Variants in FMR1NB observed in about 807,000 individuals in gnomAD.
FMR1NB encodes the protein FMR1 neighbor.
In FMR1NB, 10 loss-of-function variants were observed where a neutral mutation model predicts 16.8. That is an observed-to-expected ratio of 0.60 (90% CI 0.37 to 1.01). The LOEUF (loss-of-function observed/expected upper bound fraction) is 1.01. Among genes scored for constraint, FMR1NB ranks in the 50% least tolerant of loss-of-function variants. The pLI is 0.01. For synonymous variants in FMR1NB, 83 were observed against 79.1 expected (o/e 1.05, Z -0.26); for missense variants, 205 against 204.8 (o/e 1.00, Z 0.00).
At chrX:147,997,583 G>A (rs1212734259) in intron 1 of FMR1NB, among the ~76,000 whole-genome samples, 7 of 111,928 alleles carry the variant, frequency 6.3e-5, no homozygotes, top group African/African-American at 2.3e-4. Context: ...AAAAGCAATG[G>A]CAACAAAAGC....
intron 1 of FMR1NB, among the ~76,000 whole-genome samples, chrX:147,993,144 C>G (rs893793003): frequency 4.5e-5 from 5 of 112,010 alleles, no homozygotes; most frequent in African/African-American, 9.8e-5. Flanking sequence ...ACTGAGTGAA[C>G]GAGACTCCGT....
chrX:147,992,228 G>A lies in FMR1NB; in HGVS notation c.277+10549G>A, dbSNP rs1361257899. 2.0e-4 allele frequency among the ~76,000 whole-genome samples: 21 copies of A among 103,387 alleles called. No homozygotes were observed. In the East Asian group the frequency reaches 4.3e-3, roughly 21 times the overall value. The allele number at this position is 103,387 out of a possible 115,157, so 89.8% of individuals were successfully genotyped here. ...CAGAGGGGCTCCTCACTTCCCAGTA[G>A]GGGTGGCTGGGCAGAGGCGCCCCTC... On this transcript the variant is annotated intron_variant, in intron 1 of 5. Coordinates refer to ENST00000370467, the MANE Select transcript of FMR1NB (RefSeq NM_152578.3).
At chrX:148,017,078 G>T (rs782488209) in intron 4 of FMR1NB, among the ~76,000 whole-genome samples, 3 of 110,741 alleles carry the variant, frequency 2.7e-5, no homozygotes, top group African/African-American at 9.8e-5. Context: ...TTGTTTGTCT[G>T]GGAAAGTCTT....
chrX:147,989,569 T>A (rs1380355198), intron 1 of FMR1NB, among the ~76,000 whole-genome samples: 1 of 112,069 alleles, frequency 8.9e-6, no homozygotes, highest in Non-Finnish European at 1.9e-5. Flanking sequence ...CACTGCTCTC[T>A]TCAGAAGTGG....
intron 4 of FMR1NB, among the ~76,000 whole-genome samples, chrX:148,011,218 C>T (rs782138877): frequency 2.1e-3 from 232 of 110,007 alleles, no homozygotes; most frequent in Non-Finnish European, 3.3e-3. Context: ...GAGCCGAGAT[C>T]GCGTCACTGC....
At chrX:148,000,953 ATAT>A (rs1344633746) in intron 1 of FMR1NB, among the ~76,000 whole-genome samples, 1 of 112,095 alleles carries the variant, frequency 8.9e-6, no homozygotes, top group Non-Finnish European at 1.9e-5. Context: ...TTTAGTGATA[ATAT>A]TATTGTCTAT....
intron 1 of FMR1NB, among the ~76,000 whole-genome samples, chrX:147,990,026 G>T (rs1193160464): frequency 2.1e-5 from 2 of 93,041 alleles, no homozygotes; most frequent in Non-Finnish European, 4.2e-5. Flanking sequence ...GGTTCCAGGT[G>T]CCACTGGGCT....
chrX:147,987,154 T>C (rs1324505185), intron 1 of FMR1NB, among the ~76,000 whole-genome samples: 1 of 111,916 alleles, frequency 8.9e-6, no homozygotes, highest in Non-Finnish European at 1.9e-5. Flanking sequence ...ATGCTTGTTA[T>C]TTTTGCACAT....
At chrX:147,999,566 C>T (rs989158014) in intron 1 of FMR1NB, among the ~76,000 whole-genome samples, 1 of 110,381 alleles carries the variant, frequency 9.1e-6, no homozygotes, top group Non-Finnish European at 1.9e-5. Context: ...ATCATCTCCT[C>T]AGAGAGACTG....
chrX:147,982,631 T>C (rs781956685), intron 1 of FMR1NB, among the ~76,000 whole-genome samples: 1 of 92,739 alleles, frequency 1.1e-5, no homozygotes, highest in Non-Finnish European at 2.1e-5. Context: ...CGGTGGGTCA[T>C]GCCTGTAATC....
intron 1 of FMR1NB, among the ~76,000 whole-genome samples, chrX:147,987,086 G>T (rs1238609538): frequency 9.0e-6 from 1 of 111,009 alleles, no homozygotes; most frequent in African/African-American, 3.3e-5. Flanking sequence ...TGTAGCAATT[G>T]TGAATGGGAG....
intron 4 of FMR1NB, among the ~76,000 whole-genome samples, chrX:148,011,440 C>T (rs1329430718): frequency 2.7e-5 from 3 of 111,136 alleles, no homozygotes; most frequent in African/African-American, 6.6e-5. Flanking sequence ...TTGCCTGTGC[C>T]GGGTATAACG....
At chrX:147,999,165 T>C (rs373739426) in intron 1 of FMR1NB, among the ~76,000 whole-genome samples, 32 of 111,461 alleles carry the variant, frequency 2.9e-4, no homozygotes, top group East Asian at 1.7e-3. Flanking sequence ...CACTCTGAGT[T>C]GGGGACTCTA....
At chrX:148,003,069 T>C (rs947896319) in intron 1 of FMR1NB, 132 bp from the exon 2 acceptor site, 26 of 668,467 alleles carry the variant, frequency 3.9e-5, no homozygotes, top group Non-Finnish European at 5.8e-5. Flanking sequence ...TAAGCTGTTA[T>C]GAGATGAAAG....
Position 148,006,772 on chromosome X carries a change from T to C in FMR1NB, c.468T>C (p.Cys156=), listed in dbSNP as rs782799989. ...TGCAAGATCTTAGTGAGAGTGAATG[T>C]TTGAGACACAAATGCTGTTTTTCAT... is the stretch of plus-strand genomic sequence containing the variant. ...NELQDLSESE[C]LRHKCCFSSS... The change falls in exon 3 of 6, where the codon TGT becomes TGC. Residue 156 remains cysteine (C), a synonymous_variant. Transcript: ENST00000370467. 14 of 1,209,387 alleles carry C rather than the reference T, an allele frequency of 1.2e-5. No homozygotes were observed. Among genetic ancestry groups the C allele is most frequent in the Non-Finnish European group, 1.5e-5 (13 of 894,674 alleles).
At chrX:148,008,371 T>C (rs1164379566) in intron 3 of FMR1NB, among the ~76,000 whole-genome samples, 1 of 112,033 alleles carries the variant, frequency 8.9e-6, no homozygotes, top group East Asian at 2.8e-4. Context: ...GTACAAAAAA[T>C]AGGATCATTT....
At chrX:147,983,390 A>G (rs1557186830) in intron 1 of FMR1NB, among the ~76,000 whole-genome samples, 2 of 112,283 alleles carry the variant, frequency 1.8e-5, no homozygotes, top group East Asian at 2.8e-4. Context: ...TTTCACCAAT[A>G]TATGTTATCT....
intron 4 of FMR1NB, 60 bp from the exon 5 acceptor site, chrX:148,024,805 C>G: frequency 3.4e-6 from 4 of 1,164,564 alleles, no homozygotes; most frequent in Non-Finnish European, 4.6e-6. Flanking sequence ...TTATAACCCT[C>G]CCATTGTTAT....
chrX:148,007,062 C>T (rs782665956), intron 3 of FMR1NB, among the ~76,000 whole-genome samples: 2 of 111,588 alleles, frequency 1.8e-5, no homozygotes, highest in South Asian at 7.5e-4. Context: ...AAATTAGTCT[C>T]ACATTTTCTT....
Sources: allele counts gnomAD v4.1 joint callset (sites outside exome capture counted in the v4.1 genomes callset), GRCh38; gene constraint gnomAD v4.1.1; transcripts MANE v1.5; gene names NCBI Gene and HGNC (gene_info 2026-07-23, HGNC 2026-07-21).